ITIH5: variants seen among roughly 807,000 people sequenced by gnomAD.
ITIH5 encodes the protein inter-alpha-trypsin inhibitor heavy chain 5.
ITIH5 carries 65 observed loss-of-function variants against 77.5 expected under a neutral mutation model. The ratio of observed to expected loss-of-function variants is 0.84; its 90% CI spans 0.69 to 1.03. The LOEUF (loss-of-function observed/expected upper bound fraction) is 1.03. Ranked by LOEUF, ITIH5 falls within the 50% of genes least tolerant of loss-of-function variation. The pLI, the probability that ITIH5 is intolerant of heterozygous loss-of-function variation, is 0.00. For synonymous variants in ITIH5, 525 were observed against 494.3 expected, an observed-to-expected ratio of 1.06 and a Z score of -0.82; for missense variants, 1,208 against 1,213.1, an observed-to-expected ratio of 1.00 and a Z score of 0.06.
chr10:7,562,869 G>T lies in ITIH5; in HGVS notation c.*214C>A. The T allele has an allele frequency of 1.6e-6, 1 of 606,532 alleles. No individual in the cohort carries two copies. The highest frequency in any genetic ancestry group is 3.0e-6 in the Non-Finnish European group (1 of 336,618). The allele number at this position is 606,532 out of a possible 1,614,324, so 37.6% of individuals were successfully genotyped here. On this transcript the variant is annotated 3_prime_UTR_variant, in exon 14 of 14. Coordinates refer to ENST00000397146, the MANE Select transcript of ITIH5 (RefSeq NM_030569.7). ...GGGTGGGGAGAGGCAGGAAGAGGCAGTAGAGGGAAATGACATTTGCACTCA... is the reference window on the plus strand; with the variant it reads ...GGGTGGGGAGAGGCAGGAAGAGGCATTAGAGGGAAATGACATTTGCACTCA...
In ITIH5 at chr10:7,579,796, C is replaced by T. The variant is rs267602580; in HGVS notation, c.1377G>A (p.Arg459=). Residue 459 remains arginine (R), a synonymous_variant, in exon 9 of 14, where the codon CGG becomes CGA. Coordinates refer to ENST00000397146, the MANE Select transcript of ITIH5 (RefSeq NM_030569.7). ...KLSLENCGLT[R]RVHEEEDAGS... ...CTGCGTCCTCCTCCTCGTGCACGCG[C>T]CGTGTGAGGCCACAGTTCTCCAGCG... The T allele has an allele frequency of 1.2e-6, 2 of 1,614,048 alleles. No individual in the cohort carries two copies. Among genetic ancestry groups the T allele is most frequent in the Admixed American group, 1.7e-5 (1 of 60,010 alleles).
At chr10:7,579,698 C>G in intron 9 of ITIH5, 57 bp downstream of exon 9, 1 of 1,551,476 alleles carries the variant, frequency 6.4e-7, no homozygotes, top group South Asian at 1.1e-5. Flanking sequence ...ATTCCCACCG[C>G]AGCCACCCCT....
At chr10:7,584,592 A>C (rs1050272034) in intron 8 of ITIH5, among the ~76,000 whole-genome samples, 21 of 151,880 alleles carry the variant, frequency 1.4e-4, no homozygotes, top group African/African-American at 4.8e-4. Context: ...AGTGTGAGCC[A>C]CCCCACCCGG....
intron 13 of ITIH5, among the ~76,000 whole-genome samples, chr10:7,565,146 A>T (rs1832120881): frequency 6.8e-6 from 1 of 147,984 alleles, no homozygotes; most frequent in African/African-American, 2.5e-5. Flanking sequence ...ACATACATAC[A>T]GACTGTATAT....
intron 5 of ITIH5, among the ~76,000 whole-genome samples, chr10:7,635,480 C>T (rs1470746187): frequency 6.6e-6 from 1 of 152,170 alleles, no homozygotes; most frequent in East Asian, 1.9e-4. Flanking sequence ...TATTGGATCT[C>T]ATGCCATTTC....
At chr10:7,661,846 G>A (rs111626276) in intron 1 of ITIH5, among the ~76,000 whole-genome samples, 4,003 of 152,108 alleles carry the variant, frequency 0.026, 177 homozygotes, top group African/African-American at 0.091. Flanking sequence ...GACTACAGGT[G>A]CATGCCACCA....
intron 11 of ITIH5, chr10:7,572,081 C>T (rs1832312035): frequency 1.7e-5 from 18 of 1,034,258 alleles, no homozygotes; most frequent in Non-Finnish European, 2.1e-5. Context: ...AGGCAGCATC[C>T]AAGAGGAAGC....
chr10:7,580,091 C>A (rs747275974), intron 8 of ITIH5, 27 bp from the exon 9 acceptor site: 2 of 1,545,594 alleles, frequency 1.3e-6, no homozygotes, highest in Non-Finnish European at 8.7e-7. Flanking sequence ...CGGAACAGCT[C>A]AAGCCTCTGC....
At chr10:7,638,344 A>C (rs567377657) in intron 4 of ITIH5, among the ~76,000 whole-genome samples, 2 of 152,230 alleles carry the variant, frequency 1.3e-5, no homozygotes, top group African/African-American at 4.8e-5. Context: ...AAGAGACATA[A>C]GTATTGAAAT....
chr10:7,622,207 T>A (rs1217052674), intron 5 of ITIH5: 6 of 152,224 alleles, frequency 3.9e-5, no homozygotes, highest in African/African-American at 1.4e-4. Flanking sequence ...CCCAGGGGGC[T>A]CTCTTCTTTT....
In ITIH5 at chr10:7,616,112, A is replaced by G. The variant is rs1001224368; in HGVS notation, c.823-14T>C. The G allele has an allele frequency of 4.0e-6, 6 of 1,493,498 alleles. No individual in the cohort carries two copies. Among genetic ancestry groups the G allele is most frequent in the Non-Finnish European group, 5.6e-6 (6 of 1,070,442 alleles). 92.5% of individuals were successfully genotyped at this position (1,493,498 alleles called of 1,614,324 possible). The stretch of plus-strand genomic sequence containing the variant: ...GCCATTTAGAACCTGGTGGAGGGAA[A>G]AGAAAGTAAAAACGGTAGTACCTAG... On this transcript the variant is annotated splice_polypyrimidine_tract_variant and intron_variant, in intron 6 of 13. Transcript: ENST00000397146.
intron 2 of ITIH5, among the ~76,000 whole-genome samples, chr10:7,651,457 C>T (rs1170609927): frequency 1.3e-5 from 2 of 152,000 alleles, no homozygotes; most frequent in African/African-American, 4.8e-5. Flanking sequence ...ATGATGCATG[C>T]CTGTAATCCC....
rs760045639 is a variant in ITIH5, at chr10:7,637,409, C to G, written c.471G>C (p.Leu157=). 40 of 1,613,868 alleles carry G rather than the reference C, an allele frequency of 2.5e-5. No individual in the cohort carries two copies. Among genetic ancestry groups the G allele is most frequent in the Non-Finnish European group, 3.2e-5 (38 of 1,179,872 alleles). Residue 157 remains leucine (L), a synonymous_variant, in exon 5 of 14, where the codon CTG becomes CTC. Transcript: ENST00000397146. ...GCCTCTGCAGAAGCTCCTCATAACT[C>G]AGGAAAAAGGCGGCTTTGTCCTTGC... The part of the protein sequence containing the change: ...IPSKDKAAFF[L]SYEELLQRRL...
chr10:7,637,544 C>T (rs1833822757), intron 4 of ITIH5, 66 bp from the exon 5 acceptor site: 10 of 1,517,802 alleles, frequency 6.6e-6, no homozygotes, highest in Middle Eastern at 1.8e-4. Flanking sequence ...TTCCCTCAGT[C>T]CCCACAGGGC....
chr10:7,559,857 G>GTT lies in ITIH5; in HGVS notation c.*3224_*3225dup, dbSNP rs746524069. 2.7e-3 allele frequency: 1,240 copies of GTT among 452,640 alleles called. 15 individuals are homozygous for GTT. Among genetic ancestry groups the GTT allele is most frequent in the African/African-American group, 0.023 (1,101 of 48,596 alleles). The allele number at this position is 452,640 out of a possible 1,614,324, so 28.0% of individuals were successfully genotyped here. On this transcript the variant is annotated 3_prime_UTR_variant, in exon 14 of 14. Coordinates refer to ENST00000397146, the MANE Select transcript of ITIH5 (RefSeq NM_030569.7). ...CTCTCCCATGTCTTTTTTTTGTTTT[G>GTT]TTTTGTTTTTTTTTGACGGAGTTTG... is the stretch of plus-strand genomic sequence containing the variant.
chr10:7,564,756 C>A (rs1242748423), intron 13 of ITIH5, among the ~76,000 whole-genome samples: 1 of 151,568 alleles, frequency 6.6e-6, no homozygotes, highest in Admixed American at 6.6e-5. Context: ...TATGTACATA[C>A]ATACACAGAC....
Position 7,658,140 on chromosome 10 carries a change from A to C in ITIH5, c.91-2465T>G, listed in dbSNP as rs79948084. Reference sequence around the variant, plus strand: ...TAAGTGTAAGTGTTTTTATGTATAGAATGTGCATCAAAGTGCTAATCAATG... The same window carrying C: ...TAAGTGTAAGTGTTTTTATGTATAGCATGTGCATCAAAGTGCTAATCAATG... On this transcript the variant is annotated intron_variant, in intron 1 of 13. Transcript: ENST00000397146. Among the ~76,000 whole-genome samples, 128 of 152,318 alleles carry C rather than the reference A, an allele frequency of 8.4e-4. 1 individual carries two copies. In the East Asian group the frequency reaches 0.02, roughly 23 times the overall value.
chr10:7,618,475 A>T (rs541685468), intron 5 of ITIH5: 1 of 152,254 alleles, frequency 6.6e-6, no homozygotes, highest in African/African-American at 2.4e-5. Context: ...TTAGCAAACT[A>T]CTCACGTTTA....
intron 2 of ITIH5, among the ~76,000 whole-genome samples, chr10:7,651,716 C>A (rs1331811463): frequency 6.6e-6 from 1 of 152,150 alleles, no homozygotes; most frequent in Non-Finnish European, 1.5e-5. Flanking sequence ...CAACTAGAGA[C>A]CAACCCTACA....
Sources: allele counts gnomAD v4.1 joint callset (sites outside exome capture counted in the v4.1 genomes callset), GRCh38; gene constraint gnomAD v4.1.1; transcripts MANE v1.5; gene names NCBI Gene and HGNC (gene_info 2026-07-23, HGNC 2026-07-21).